KCNIP4: variants seen among roughly 807,000 people sequenced by gnomAD.
The protein encoded by KCNIP4 is potassium voltage-gated channel interacting protein 4.
A neutral mutation model predicts 34.0 loss-of-function variants in KCNIP4; 12 were observed. The observed-to-expected ratio is 0.35, with a 90% CI of 0.23 to 0.57. The LOEUF (loss-of-function observed/expected upper bound fraction) is 0.57. Ranked by LOEUF, KCNIP4 falls within the 20% of genes least tolerant of loss-of-function variation. The pLI, the probability that KCNIP4 is intolerant of heterozygous loss-of-function variation, is 0.83. For missense variants in KCNIP4, 238 were observed against 311.7 expected, an observed-to-expected ratio of 0.76 and a Z score of 1.78; for synonymous variants, 124 against 102.2, an observed-to-expected ratio of 1.21 and a Z score of -1.29.
chr4:21,553,143 G>C (rs866927742), intron 1 of KCNIP4, among the ~76,000 whole-genome samples: 8 of 106,306 alleles, frequency 7.5e-5, no homozygotes, highest in Admixed American at 2.3e-4. Flanking sequence ...AAGCTTAAAG[G>C]GGGGGGTCAT....
intron 1 of KCNIP4, among the ~76,000 whole-genome samples, chr4:21,002,395 A>T (rs1485347552): frequency 6.6e-6 from 1 of 152,234 alleles, no homozygotes; most frequent in Non-Finnish European, 1.5e-5. Context: ...GTCTAAGGGA[A>T]AAAGCAGAAA....
intron 1 of KCNIP4, among the ~76,000 whole-genome samples, chr4:21,818,171 T>C (rs969541143): frequency 6.6e-6 from 1 of 152,160 alleles, no homozygotes; most frequent in Non-Finnish European, 1.5e-5. Context: ...CCTCTCTTTA[T>C]ACTGTCTCTC....
intron 1 of KCNIP4, among the ~76,000 whole-genome samples, chr4:21,302,945 G>A (rs554822467): frequency 9.2e-5 from 14 of 152,090 alleles, no homozygotes; most frequent in South Asian, 8.3e-4. Context: ...ACATAACTAC[G>A]TCAAACATCA....
intron 1 of KCNIP4, among the ~76,000 whole-genome samples, chr4:21,234,236 T>TATATTATATATAACATATAATATATAAC: frequency 2.6e-5 from 1 of 38,902 alleles, no homozygotes; most frequent in African/African-American, 2.6e-4. Flanking sequence ...ATATATAACA[T>TATATTATATATAACATATAATATATAAC]ATATATAACA....
At chr4:21,018,429 T>TG (rs1235944075) in intron 1 of KCNIP4, among the ~76,000 whole-genome samples, 1 of 152,198 alleles carries the variant, frequency 6.6e-6, no homozygotes, top group Non-Finnish European at 1.5e-5. Flanking sequence ...CAATTGAATC[T>TG]GGGTCGTGGC....
intron 1 of KCNIP4, among the ~76,000 whole-genome samples, chr4:21,788,946 G>A (rs57407765): frequency 0.11 from 15,954 of 151,576 alleles, 2,864 homozygotes; most frequent in African/African-American, 0.37. Flanking sequence ...GGCGGCGCGC[G>A]TCTGTAGTCT....
At chr4:21,018,453 A>G (rs1332650841) in intron 1 of KCNIP4, among the ~76,000 whole-genome samples, 1 of 152,148 alleles carries the variant, frequency 6.6e-6, no homozygotes, top group Non-Finnish European at 1.5e-5. Flanking sequence ...TGTACTCCTG[A>G]ATGTTTGCAC....
intron 1 of KCNIP4, among the ~76,000 whole-genome samples, chr4:21,508,401 T>C (rs1344235342): frequency 1.3e-5 from 2 of 152,194 alleles, no homozygotes. Context: ...TTATGCTTAT[T>C]ATGTTACAAA....
At chr4:21,710,749 G>T (rs534311708) in intron 1 of KCNIP4, among the ~76,000 whole-genome samples, 1 of 152,158 alleles carries the variant, frequency 6.6e-6, no homozygotes, top group East Asian at 1.9e-4. Context: ...GTAAAATGAA[G>T]GTATTATATT....
intron 1 of KCNIP4, among the ~76,000 whole-genome samples, chr4:21,501,240 T>TCACA (rs1560464479): frequency 7.6e-6 from 1 of 131,786 alleles, no homozygotes; most frequent in African/African-American, 3.0e-5. Flanking sequence ...TCTCTCTCTC[T>TCACA]CTCTCTCTCA....
At chr4:21,422,659 TTGTGTGTGTG>T (rs3083787) in intron 1 of KCNIP4, among the ~76,000 whole-genome samples, 16 of 147,626 alleles carry the variant, frequency 1.1e-4, no homozygotes, top group South Asian at 2.2e-4. Flanking sequence ...ATGTGTGTGT[TTGTGTGTGTG>T]TGTGTGTGTG....
chr4:21,448,036 G>A (rs1002844407), intron 1 of KCNIP4, among the ~76,000 whole-genome samples: 1 of 152,134 alleles, frequency 6.6e-6, no homozygotes, highest in Non-Finnish European at 1.5e-5. Flanking sequence ...GGGAACTACT[G>A]TAGGTATTTT....
At position 21,018,058 on chromosome 4, in the gene KCNIP4, A is replaced by G. The variant is rs920868521; in HGVS notation, c.62-135349T>C. Among the ~76,000 whole-genome samples, 4 of 152,208 alleles carry G rather than the reference A, an allele frequency of 2.6e-5. No individual in the cohort carries two copies. In the South Asian group the frequency reaches 8.3e-4, roughly 32 times the overall value. ...ACCTAATGTCATTTTCTTGTACTAC[A>G]TGGTATGTAAATCATGCTTTGAAAA... On this transcript the variant is annotated intron_variant, in intron 1 of 8. Transcript: ENST00000382152.
chr4:21,458,837 C>T (rs867247948), intron 1 of KCNIP4, among the ~76,000 whole-genome samples: 112 of 152,102 alleles, frequency 7.4e-4, no homozygotes, highest in African/African-American at 2.5e-3. Flanking sequence ...CTTCCTCTAG[C>T]TTCTACCACT....
intron 1 of KCNIP4, among the ~76,000 whole-genome samples, chr4:21,744,378 C>T (rs1409980246): frequency 6.6e-6 from 1 of 152,164 alleles, no homozygotes; most frequent in East Asian, 1.9e-4. Context: ...TTCCACTGGA[C>T]ATACTTACAA....
intron 1 of KCNIP4, among the ~76,000 whole-genome samples, chr4:21,099,605 A>C (rs1013439735): frequency 2.0e-5 from 3 of 152,160 alleles, no homozygotes; most frequent in African/African-American, 7.2e-5. Flanking sequence ...CACATATACC[A>C]TGGAACTTAA....
At chr4:21,396,809 T>A (rs1335037256) in intron 1 of KCNIP4, among the ~76,000 whole-genome samples, 2 of 152,144 alleles carry the variant, frequency 1.3e-5, no homozygotes, top group Non-Finnish European at 2.9e-5. Flanking sequence ...CTTCAGAAGC[T>A]GGAAGAAGGC....
At chr4:21,378,153 C>G (rs998979901) in intron 1 of KCNIP4, among the ~76,000 whole-genome samples, 10 of 152,144 alleles carry the variant, frequency 6.6e-5, no homozygotes, top group African/African-American at 2.4e-4. Context: ...AGTCAATCAT[C>G]AAGTTATCAG....
At position 21,519,796 on chromosome 4, in the gene KCNIP4, TACACGTGTGTGTATGTGTGTGTATAC is replaced by T. The variant is rs1406517625; in HGVS notation, c.61+428749_61+428774del. 4.1e-3 allele frequency among the ~76,000 whole-genome samples: 533 copies of T among 131,214 alleles called. 10 individuals carry two copies. The highest frequency in any genetic ancestry group is 0.014 in the African/African-American group (496 of 34,832). 86.1% of individuals were successfully genotyped at this position (131,214 alleles called of 152,430 possible). On this transcript the variant is annotated intron_variant, in intron 1 of 8. Transcript: ENST00000382152. ...ACACACGTGTGTGTATGTGTGTGTA[TACACGTGTGTGTATGTGTGTGTATAC>T]ACACGTGTGTGTATGTGTGTGTATA...
Sources: gnomAD v4.1 joint callset for allele counts (sites outside exome capture counted in the v4.1 genomes callset) on GRCh38, gnomAD v4.1.1 for gene constraint, MANE v1.5 for transcripts, NCBI Gene and HGNC (gene_info 2026-07-23, HGNC 2026-07-21) for gene names.